ZNF536: variants seen among roughly 807,000 people sequenced by gnomAD.
ZNF536 encodes zinc finger protein 536.
Under a neutral mutation model 84.5 loss-of-function variants are expected in ZNF536, and 13 were observed. The ratio of observed to expected loss-of-function variants is 0.15; its 90% CI spans 0.10 to 0.24. ZNF536 has a LOEUF of 0.24. Ranked by LOEUF, ZNF536 falls within the 10% of genes least tolerant of loss-of-function variation. The probability of loss-of-function intolerance (pLI) is 1.00; values close to 1 mark genes in which losing one functional copy is unlikely to be tolerated. For missense variants in ZNF536, 1,536 were observed against 1,747.5 expected (o/e 0.88, Z 2.16); for synonymous variants, 811 against 742.5 (o/e 1.09, Z -1.50).
upstream of ZNF536, among the ~76,000 whole-genome samples, chr19:30,370,652 G>A (rs1380232869): frequency 6.6e-6 from 1 of 152,034 alleles, no homozygotes; most frequent in Non-Finnish European, 1.5e-5. Context: ...TCTAAATATG[G>A]CTTTTTATTT....
chr19:30,343,886 G>T (rs1220401873), intron 2 of ZNF536, among the ~76,000 whole-genome samples: 1 of 152,102 alleles, frequency 6.6e-6, no homozygotes, highest in Non-Finnish European at 1.5e-5. Flanking sequence ...CAAGAGGTTG[G>T]CCAACTCTGA....
chr19:30,630,036 G>A (rs2048833688), intron 1 of ZNF536, among the ~76,000 whole-genome samples: 1 of 152,194 alleles, frequency 6.6e-6, no homozygotes, highest in African/African-American at 2.4e-5. Flanking sequence ...GAGAAAGTGT[G>A]AACTTAAAAA....
chr19:30,396,241 G>A (rs1454740231), intron 1 of ZNF536, among the ~76,000 whole-genome samples: 1 of 152,130 alleles, frequency 6.6e-6, no homozygotes, highest in Admixed American at 6.6e-5. Flanking sequence ...ATCTCCTGAT[G>A]GGATAATTTT....
At chr19:30,689,317 A>G (rs2051316545) in intron 1 of ZNF536, among the ~76,000 whole-genome samples, 1 of 152,236 alleles carries the variant, frequency 6.6e-6, no homozygotes, top group African/African-American at 2.4e-5. Flanking sequence ...TCAATGAGAC[A>G]TTGATTTGTG....
At chr19:30,391,310 T>C (rs1425709350) in intron 1 of ZNF536, among the ~76,000 whole-genome samples, 3 of 152,192 alleles carry the variant, frequency 2.0e-5, no homozygotes, top group African/African-American at 7.2e-5. Context: ...GCTGCAGTGG[T>C]GCACACCTGT....
At chr19:30,551,129 GTCTT>G (rs1190007219) in intron 4 of ZNF536, among the ~76,000 whole-genome samples, 1 of 148,154 alleles carries the variant, frequency 6.7e-6, no homozygotes. Context: ...GTTGTTTAGA[GTCTT>G]TTTTTTTTTT....
intron 1 of ZNF536, among the ~76,000 whole-genome samples, chr19:30,427,344 A>C (rs996207081): frequency 6.6e-6 from 1 of 152,186 alleles, no homozygotes; most frequent in Non-Finnish European, 1.5e-5. Flanking sequence ...AGGAAGAGAG[A>C]TAAGGTAGGA....
At chr19:30,602,266 A>G (rs2146942689) in intron 1 of ZNF536, among the ~76,000 whole-genome samples, 1 of 152,244 alleles carries the variant, frequency 6.6e-6, no homozygotes, top group South Asian at 2.1e-4. Context: ...TCCTCATTGG[A>G]TGTCTGGATT....
chr19:30,589,741 G>A (rs888879668), intron 1 of ZNF536, among the ~76,000 whole-genome samples: 11 of 152,190 alleles, frequency 7.2e-5, no homozygotes, highest in African/African-American at 2.7e-4. Flanking sequence ...GGAAGCTGGG[G>A]TGTTCATTCT....
At chr19:30,281,494 G>A (rs1004740174) in intron 1 of ZNF536, among the ~76,000 whole-genome samples, 3 of 144,034 alleles carry the variant, frequency 2.1e-5, no homozygotes, top group East Asian at 2.0e-4. Context: ...CCTGGCAACC[G>A]GGACCTTCAC....
In ZNF536 at chr19:30,271,386, A is replaced by G. The variant is rs148239274; in HGVS notation, c.-189-12686A>G. 6.9e-3 allele frequency among the ~76,000 whole-genome samples: 968 copies of G among 140,104 alleles called. 10 individuals carry two copies. Among genetic ancestry groups the G allele is most frequent in the African/African-American group, 0.025 (931 of 37,066 alleles). 91.9% of individuals were successfully genotyped at this position (140,104 alleles called of 152,430 possible). On this transcript the variant is annotated intron_variant, in intron 1 of 5. Coordinates refer to the ZNF536 transcript ENST00000585628. Reference sequence around the variant, plus strand: ...AGTTACTATTTCTTCTTGTTGCTATATAATCACAGGAAAACAGTGTGAAAT... The same window carrying G: ...AGTTACTATTTCTTCTTGTTGCTATGTAATCACAGGAAAACAGTGTGAAAT...
chr19:30,530,331 TTTGTTGTTGTTGTTG>T (rs140017176), intron 2 of ZNF536, among the ~76,000 whole-genome samples: 1 of 151,306 alleles, frequency 6.6e-6, no homozygotes, highest in Non-Finnish European at 1.5e-5. Flanking sequence ...TCTCTGTCTT[TTTGTTGTTGTTGTTG>T]TTGTTGTTGT....
intron 1 of ZNF536, among the ~76,000 whole-genome samples, chr19:30,274,175 A>G (rs1203638508): frequency 6.6e-6 from 1 of 152,376 alleles, no homozygotes; most frequent in Middle Eastern, 3.4e-3. Flanking sequence ...AGGGGGACCA[A>G]CGTTTCAAGT....
intron 1 of ZNF536, among the ~76,000 whole-genome samples, chr19:30,266,466 G>C (rs1486967465): frequency 6.6e-6 from 1 of 152,140 alleles, no homozygotes; most frequent in Non-Finnish European, 1.5e-5. Context: ...GCTTCCCCAA[G>C]GGAACGGTTG....
chr19:30,344,304 T>TATATATATATATAAACTGGGCGTGG (rs1460061348), intron 2 of ZNF536, among the ~76,000 whole-genome samples: 2 of 66,252 alleles, frequency 3.0e-5, no homozygotes, highest in Non-Finnish European at 5.5e-5. Flanking sequence ...CACAAATATA[T>TATATATATATATAAACTGGGCGTGG]TGGCGGCCTC....
At chr19:30,413,786 C>T (rs1017822455) in intron 1 of ZNF536, among the ~76,000 whole-genome samples, 9 of 151,802 alleles carry the variant, frequency 5.9e-5, no homozygotes, top group African/African-American at 2.2e-4. Flanking sequence ...TGTATTCTTT[C>T]TTGACATAAA....
chr19:30,326,597 T>G (rs2047032227), intron 2 of ZNF536, among the ~76,000 whole-genome samples: 1 of 151,714 alleles, frequency 6.6e-6, no homozygotes, highest in Non-Finnish European at 1.5e-5. Context: ...TAGGTGGGTG[T>G]GGAGGAAATG....
chr19:30,271,299 C>CTTTTTTTTT (rs781528411), intron 1 of ZNF536, among the ~76,000 whole-genome samples: 3 of 111,834 alleles, frequency 2.7e-5, no homozygotes, highest in African/African-American at 7.1e-5. Flanking sequence ...TTTTTCTTTT[C>CTTTTTTTTT]TTTTTTTTTT....
At chr19:30,402,082 C>T (rs1350557743) in intron 1 of ZNF536, among the ~76,000 whole-genome samples, 1 of 152,198 alleles carries the variant, frequency 6.6e-6, no homozygotes, top group Non-Finnish European at 1.5e-5. Flanking sequence ...ATGTTGCAGC[C>T]TCAGCTATGA....
Sources: allele counts gnomAD v4.1 joint callset (sites outside exome capture counted in the v4.1 genomes callset), GRCh38; gene constraint gnomAD v4.1.1; transcripts MANE v1.5; gene names NCBI Gene and HGNC (gene_info 2026-07-23, HGNC 2026-07-21).